FAM163B: variants seen among roughly 807,000 people sequenced by gnomAD.
The protein encoded by FAM163B is family with sequence similarity 163 member B.
Under a neutral mutation model 7.6 loss-of-function variants are expected in FAM163B, and 4 were observed. That is an observed-to-expected ratio of 0.52 (90% CI 0.26 to 1.20). The LOEUF is 1.20. Among genes scored for constraint, FAM163B ranks in the 50% most tolerant of loss-of-function variants. The pLI, the probability that FAM163B is intolerant of heterozygous loss-of-function variation, is 0.14. For synonymous variants in FAM163B, 120 were observed against 111.6 expected, an observed-to-expected ratio of 1.07 and a Z score of -0.47; for missense variants, 250 against 243.0, an observed-to-expected ratio of 1.03 and a Z score of -0.19.
intron 1 of FAM163B, among the ~76,000 whole-genome samples, chr9:133,582,467 G>A (rs7045027): frequency 1.3e-5 from 2 of 152,290 alleles, no homozygotes; most frequent in East Asian, 1.9e-4. Context: ...GTCAGGGCTG[G>A]ATCCGCTGCT....
intron 1 of FAM163B, among the ~76,000 whole-genome samples, chr9:133,583,006 ATGTCACCTACTGTGT>A (rs1831379391): frequency 2.0e-5 from 3 of 152,110 alleles, no homozygotes; most frequent in African/African-American, 7.2e-5. Flanking sequence ...TGCTGTGTGT[ATGTCACCTACTGTGT>A]GTATGTCACC....
At chr9:133,603,234 A>G (rs1372094285) in intron 1 of FAM163B, among the ~76,000 whole-genome samples, 1 of 152,176 alleles carries the variant, frequency 6.6e-6, no homozygotes, top group Non-Finnish European at 1.5e-5. Flanking sequence ...CTACAGAGAA[A>G]CCACTGATGC....
chr9:133,608,201 T>C (rs565468823), intron 1 of FAM163B, among the ~76,000 whole-genome samples: 1 of 152,318 alleles, frequency 6.6e-6, no homozygotes, highest in Admixed American at 6.5e-5. Flanking sequence ...GCCTCAAGGA[T>C]ACTCCCCTTA....
At chr9:133,591,691 C>CGGGGAGCACACTG (rs369992422) in intron 1 of FAM163B, among the ~76,000 whole-genome samples, 2 of 152,172 alleles carry the variant, frequency 1.3e-5, no homozygotes, top group Admixed American at 1.3e-4. Flanking sequence ...GCAGCGGGCG[C>CGGGGAGCACACTG]GGGGAGCACA....
chr9:133,599,255 C>A (rs552520693), intron 1 of FAM163B, among the ~76,000 whole-genome samples: 2 of 152,312 alleles, frequency 1.3e-5, no homozygotes, highest in African/African-American at 2.4e-5. Flanking sequence ...ATGGTCAGGT[C>A]AGGCTGCTGC....
At chr9:133,607,734 C>T (rs1250084641) in intron 1 of FAM163B, among the ~76,000 whole-genome samples, 3 of 152,196 alleles carry the variant, frequency 2.0e-5, no homozygotes, top group African/African-American at 7.2e-5. Flanking sequence ...TTCATAGCAT[C>T]GTGCAGATGC....
At chr9:133,583,866 G>T (rs1434727890) in intron 1 of FAM163B, among the ~76,000 whole-genome samples, 3 of 152,234 alleles carry the variant, frequency 2.0e-5, no homozygotes. Context: ...GCCCGAGACG[G>T]CGCCAGGTCC....
In FAM163B at chr9:133,606,352, G is replaced by A. The variant is rs1025418986; in HGVS notation, c.-24+2725C>T. On this transcript the variant is annotated intron_variant, in intron 1 of 2. Transcript: ENST00000673969. The surrounding 1 kb of genome is among the most constrained non-coding windows in gnomAD (Gnocchi z 4.0). ...GGGAGCTGGCAAACACTGAGGCCTC[G>A]GAACTCATCAAATCCCCTCTGGAGC... is the stretch of plus-strand genomic sequence containing the variant. Among the ~76,000 whole-genome samples the A allele has an allele frequency of 2.6e-5, 4 of 152,158 alleles. No homozygotes were observed. The highest frequency in any genetic ancestry group is 6.5e-5 in the Admixed American group (1 of 15,284).
chr9:133,602,118 G>A (rs898827838), intron 1 of FAM163B, among the ~76,000 whole-genome samples: 6 of 141,176 alleles, frequency 4.3e-5, no homozygotes, highest in South Asian at 2.3e-4. Flanking sequence ...TAGCATTGCC[G>A]CAGGGGCCAC....
intron 1 of FAM163B, among the ~76,000 whole-genome samples, chr9:133,603,476 A>G (rs1005467661): frequency 2.0e-5 from 3 of 152,228 alleles, no homozygotes; most frequent in African/African-American, 7.2e-5. Flanking sequence ...CCCAGCCACA[A>G]TCCAGCTTGG....
intron 1 of FAM163B, among the ~76,000 whole-genome samples, chr9:133,587,832 G>T (rs1489036127): frequency 6.6e-6 from 1 of 152,108 alleles, no homozygotes; most frequent in Non-Finnish European, 1.5e-5. Flanking sequence ...CTCACCTTCT[G>T]CCCAGTCTAA....
intron 1 of FAM163B, among the ~76,000 whole-genome samples, chr9:133,582,274 T>C (rs1420574588): frequency 6.6e-6 from 1 of 152,250 alleles, no homozygotes; most frequent in East Asian, 1.9e-4. Context: ...AGCTTGCCTT[T>C]CTACGTGGAA....
Position 133,584,791 on chromosome 9 carries a change from C to T in FAM163B, c.-23-4545G>A, listed in dbSNP as rs371446639. On this transcript the variant is annotated intron_variant, in intron 1 of 2. Coordinates refer to ENST00000673969, the MANE Select transcript of FAM163B (RefSeq NM_001080515.3). The stretch of plus-strand genomic sequence containing the variant: ...GCTGGGAACAGCACAGGCCAAGCCT[C>T]GGAGGCAGAGCCATGCGGGTCAGGC... Among the ~76,000 whole-genome samples, 1,458 of 152,320 alleles carry T rather than the reference C, an allele frequency of 9.6e-3. 32 individuals are homozygous for T. Among genetic ancestry groups the T allele is most frequent in the East Asian group, 0.09 (463 of 5,172 alleles).
At chr9:133,594,162 G>A (rs3025312) in intron 1 of FAM163B, among the ~76,000 whole-genome samples, 10,242 of 152,286 alleles carry the variant, frequency 0.067, 501 homozygotes, top group Admixed American at 0.15. Context: ...TCTCGGAATA[G>A]TGCCAAGGTT....
chr9:133,601,081 A>C lies in FAM163B; in HGVS notation c.-24+7996T>G, dbSNP rs561648229. Among the ~76,000 whole-genome samples, 1 of 152,280 alleles carries C rather than the reference A, an allele frequency of 6.6e-6. No homozygotes were observed. The highest frequency in any genetic ancestry group is 1.9e-4 in the East Asian group (1 of 5,186). On this transcript the variant is annotated intron_variant, in intron 1 of 2. Transcript: ENST00000673969. The surrounding 1 kb of genome is among the most constrained non-coding windows in gnomAD (Gnocchi z 4.1). ...GGAGCAGGGCCTCAGAGGGCAGCAG[A>C]GCCTGTGAGCTGACAACCCTTCTTC... is the stretch of plus-strand genomic sequence containing the variant.
chr9:133,586,363 C>T (rs1239839240), intron 1 of FAM163B, among the ~76,000 whole-genome samples: 2 of 152,216 alleles, frequency 1.3e-5, no homozygotes, highest in Non-Finnish European at 2.9e-5. Flanking sequence ...AAAATGCCCA[C>T]AGCAGGGGGA....
rs970052148 is a variant in FAM163B, at chr9:133,579,204, G to A, written c.319C>T (p.Pro107Ser). 2.5e-6 allele frequency: 4 copies of A among 1,611,998 alleles called. No individual in the cohort carries two copies. The highest frequency in any genetic ancestry group is 3.3e-5 in the Admixed American group (2 of 59,980). Reference protein sequence around the residue: ...CEPPTFFLQEPPEEEEDVLNG... With the variant: ...CEPPTFFLQESPEEEEDVLNG... ...AGCACGTCCTCTTCCTCCTCCGGCGGCTCCTGCAGGAAGAAGGTGGGGGGC... is the reference window on the plus strand; with the variant it reads ...AGCACGTCCTCTTCCTCCTCCGGCGACTCCTGCAGGAAGAAGGTGGGGGGC... Residue 107 changes from proline to serine, a missense_variant, in exon 3 of 3, where the codon CCG becomes TCG. By Grantham distance (74) the Pro-to-Ser change is moderately conservative (BLOSUM62 -1). Transcript: ENST00000673969.
At chr9:133,588,444 C>A (rs1321282135) in intron 1 of FAM163B, among the ~76,000 whole-genome samples, 1 of 151,140 alleles carries the variant, frequency 6.6e-6, no homozygotes, top group Non-Finnish European at 1.5e-5. Context: ...AAGTTGCCAC[C>A]TTTGGCTCCA....
intron 1 of FAM163B, among the ~76,000 whole-genome samples, chr9:133,608,184 G>T (rs1831812210): frequency 6.6e-6 from 1 of 152,178 alleles, no homozygotes; most frequent in Non-Finnish European, 1.5e-5. Context: ...CGAATGCTGG[G>T]GCTCAGGCCT....
Sources: allele counts gnomAD v4.1 joint callset (sites outside exome capture counted in the v4.1 genomes callset), GRCh38; gene constraint gnomAD v4.1.1; non-coding constraint Gnocchi (gnomAD v3.1); transcripts MANE v1.5; gene names NCBI Gene and HGNC (gene_info 2026-07-23, HGNC 2026-07-21).